Variants in TMEM74 observed in about 807,000 individuals in gnomAD.
The protein encoded by TMEM74 is transmembrane protein 74.
A neutral mutation model predicts 18.1 loss-of-function variants in TMEM74; 13 were observed. That is an observed-to-expected ratio of 0.72 (90% CI 0.47 to 1.14). The LOEUF is 1.14. Among genes scored for constraint, TMEM74 ranks in the 50% most tolerant of loss-of-function variants. The pLI is 0.00. For synonymous variants in TMEM74, 159 were observed against 146.6 expected (o/e 1.08, Z -0.61); for missense variants, 372 against 375.9 (o/e 0.99, Z 0.09).
chr8:108,744,191 C>T (rs1232440090), intron 1 of TMEM74, among the ~76,000 whole-genome samples: 2 of 152,140 alleles, frequency 1.3e-5, no homozygotes, highest in Non-Finnish European at 2.9e-5. Context: ...GATCTGACGT[C>T]ACTTCAGATT....
At chr8:108,649,818 C>G (rs2935758) in intron 2 of TMEM74, among the ~76,000 whole-genome samples, 27,245 of 152,044 alleles carry the variant, frequency 0.18, 2,524 homozygotes, top group East Asian at 0.27. Context: ...GTTTTCAAGT[C>G]CAGTGGAGCC....
At chr8:108,655,022 A>AT (rs1402131981) in intron 2 of TMEM74, among the ~76,000 whole-genome samples, 6 of 152,124 alleles carry the variant, frequency 3.9e-5, no homozygotes, top group Non-Finnish European at 8.8e-5. Flanking sequence ...ATTGGTAGTC[A>AT]TTTTTTTATG....
intron 2 of TMEM74, among the ~76,000 whole-genome samples, chr8:108,627,783 T>C (rs976998875): frequency 2.0e-5 from 3 of 152,068 alleles, no homozygotes; most frequent in African/African-American, 7.2e-5. Flanking sequence ...CCATGCATGA[T>C]GGCTCACACC....
intron 1 of TMEM74, among the ~76,000 whole-genome samples, chr8:108,702,998 AG>A (rs1003067515): frequency 3.3e-5 from 5 of 152,076 alleles, no homozygotes; most frequent in Non-Finnish European, 7.3e-5. Flanking sequence ...GAGCACTGGA[AG>A]GGGTCATGGA....
chr8:108,662,263 A>T (rs952494217), intron 1 of TMEM74, among the ~76,000 whole-genome samples: 1 of 151,892 alleles, frequency 6.6e-6, no homozygotes. Flanking sequence ...CACACATAAG[A>T]CAGAAATAGT....
intron 1 of TMEM74, among the ~76,000 whole-genome samples, chr8:108,690,595 C>T (rs1367029896): frequency 6.6e-6 from 1 of 151,886 alleles, no homozygotes; most frequent in African/African-American, 2.4e-5. Flanking sequence ...GCGGGCAGAT[C>T]ACGAGGTCAG....
intron 2 of TMEM74, chr8:108,652,772 C>T: frequency 1.9e-6 from 1 of 530,704 alleles, no homozygotes; most frequent in Non-Finnish European, 3.6e-6. Flanking sequence ...GGCTGTGTAT[C>T]AATTTGAGTA....
At chr8:108,720,761 T>A (rs201649563) in intron 1 of TMEM74, among the ~76,000 whole-genome samples, 1,882 of 97,466 alleles carry the variant, frequency 0.019, 48 homozygotes, top group African/African-American at 0.075. Flanking sequence ...TTTATTAGTT[T>A]GTTTGTTTGT....
chr8:108,640,179 C>A (rs777628261), intron 2 of TMEM74, among the ~76,000 whole-genome samples: 9 of 133,096 alleles, frequency 6.8e-5, no homozygotes, highest in Non-Finnish European at 1.1e-4. Context: ...ATCGCCCAGG[C>A]TGGAGTGCAG....
chr8:108,708,785 C>A (rs1813443699), intron 1 of TMEM74, among the ~76,000 whole-genome samples: 1 of 73,872 alleles, frequency 1.4e-5, no homozygotes, highest in Non-Finnish European at 2.4e-5. Context: ...CTAAAATACA[C>A]ATGAAACTTC....
At chr8:108,629,042 G>C (rs573176044) in intron 2 of TMEM74, among the ~76,000 whole-genome samples, 2 of 152,106 alleles carry the variant, frequency 1.3e-5, no homozygotes, top group East Asian at 3.9e-4. Flanking sequence ...TTAGACCTTT[G>C]TCAGATGGAT....
At chr8:108,730,004 T>C (rs1488049098) in intron 1 of TMEM74, among the ~76,000 whole-genome samples, 1 of 152,082 alleles carries the variant, frequency 6.6e-6, no homozygotes, top group East Asian at 1.9e-4. Flanking sequence ...AGTAACTAGG[T>C]TTTCAAAGAG....
At chr8:108,681,128 G>C (rs1813109914) in intron 1 of TMEM74, among the ~76,000 whole-genome samples, 1 of 152,104 alleles carries the variant, frequency 6.6e-6, no homozygotes, top group Admixed American at 6.6e-5. Flanking sequence ...TCCCCATTAA[G>C]CTACCAATGA....
intron 2 of TMEM74, among the ~76,000 whole-genome samples, chr8:108,610,144 T>A (rs1312889916): frequency 1.3e-5 from 2 of 152,176 alleles, no homozygotes; most frequent in Non-Finnish European, 2.9e-5. Flanking sequence ...CAACAAAGAT[T>A]CAAGTTGATT....
downstream of TMEM74, among the ~76,000 whole-genome samples, chr8:108,774,775 T>C (rs74655411): frequency 6.6e-6 from 1 of 150,918 alleles, no homozygotes; most frequent in Non-Finnish European, 1.5e-5. Flanking sequence ...TTTTTTTTTT[T>C]TTCTGTAGAG....
intron 2 of TMEM74, among the ~76,000 whole-genome samples, chr8:108,639,068 T>A (rs962024788): frequency 2.3e-4 from 35 of 152,158 alleles, no homozygotes; most frequent in African/African-American, 7.7e-4. Context: ...AGCAAGGTCA[T>A]CCTAAACTAT....
At chr8:108,731,216 C>A (rs1409175432) in intron 1 of TMEM74, among the ~76,000 whole-genome samples, 1 of 151,718 alleles carries the variant, frequency 6.6e-6, no homozygotes, top group Non-Finnish European at 1.5e-5. Context: ...ATGTCGTTAT[C>A]CACCACCGCC....
At chr8:108,683,819 T>C (rs1308693689) in intron 1 of TMEM74, among the ~76,000 whole-genome samples, 1 of 152,074 alleles carries the variant, frequency 6.6e-6, no homozygotes, top group African/African-American at 2.4e-5. Flanking sequence ...ATATCAACTT[T>C]TTAAGCTTCC....
intron 1 of TMEM74, among the ~76,000 whole-genome samples, chr8:108,674,001 T>G (rs1346966304): frequency 6.6e-6 from 1 of 152,188 alleles, no homozygotes; most frequent in East Asian, 1.9e-4. Context: ...GTTAAACATT[T>G]TGTTAGATAT....
Sources: gnomAD v4.1 joint callset for allele counts (sites outside exome capture counted in the v4.1 genomes callset) on GRCh38, gnomAD v4.1.1 for gene constraint, MANE v1.5 for transcripts, NCBI Gene and HGNC (gene_info 2026-07-23, HGNC 2026-07-21) for gene names.